Variants in HK1 observed in about 807,000 individuals in gnomAD.
The protein encoded by HK1 is hexokinase 1.
Under a neutral mutation model 91.6 loss-of-function variants are expected in HK1, and 28 were observed. The ratio of observed to expected loss-of-function variants is 0.31; its 90% CI spans 0.23 to 0.42. The LOEUF is 0.42. HK1 is among the 10% of genes least tolerant of loss of function. HK1 has a pLI of 1.00. For missense variants in HK1, 770 were observed against 1,219.8 expected, an observed-to-expected ratio of 0.63 and a Z score of 5.49; for synonymous variants, 430 against 468.1, an observed-to-expected ratio of 0.92 and a Z score of 1.05.
chr10:69,271,150 A>C (rs1181605259), intron 1 of HK1: 5 of 152,178 alleles, frequency 3.3e-5, no homozygotes. Context: ...TCTGTAATAC[A>C]ACATGGTAAA....
At chr10:69,335,575 A>G (rs1003436966) in intron 1 of HK1, among the ~76,000 whole-genome samples, 1 of 152,202 alleles carries the variant, frequency 6.6e-6, no homozygotes, top group African/African-American at 2.4e-5. Context: ...TGTCCACCCC[A>G]GTCTCTGCAA....
chr10:69,386,530 T>TC (rs1259181531), intron 13 of HK1, 112 bp downstream of exon 13: 2 of 806,764 alleles, frequency 2.5e-6, no homozygotes, highest in Non-Finnish European at 4.0e-6. Flanking sequence ...ACGCCTGTAA[T>TC]CCCAGCACTT....
At chr10:69,367,266 C>G (rs765490057) in intron 4 of HK1, among the ~76,000 whole-genome samples, 7 of 152,194 alleles carry the variant, frequency 4.6e-5, no homozygotes, top group African/African-American at 7.2e-5. Flanking sequence ...CAGTGGAGCA[C>G]AGACCCTCAA....
chr10:69,337,404 A>G (rs1322719227), intron 1 of HK1, among the ~76,000 whole-genome samples: 1 of 152,168 alleles, frequency 6.6e-6, no homozygotes. Flanking sequence ...GAGAAAGGGA[A>G]CTAGCATTAA....
chr10:69,387,777 T>G (rs906386549), intron 13 of HK1, among the ~76,000 whole-genome samples: 1 of 152,140 alleles, frequency 6.6e-6, no homozygotes, highest in Admixed American at 6.6e-5. Flanking sequence ...TCTCGTGGTC[T>G]TTGGCTGGAG....
At chr10:69,290,269 G>A (rs1845238230) in intron 3 of HK1, among the ~76,000 whole-genome samples, 1 of 152,124 alleles carries the variant, frequency 6.6e-6, no homozygotes, top group South Asian at 2.1e-4. Context: ...TCAGCCCTTG[G>A]GTGGCAAATT....
At chr10:69,311,874 A>T (rs1846393427), upstream of HK1, among the ~76,000 whole-genome samples, 1 of 152,126 alleles carries the variant, frequency 6.6e-6, no homozygotes, top group African/African-American at 2.4e-5. Flanking sequence ...TGACCTCGTG[A>T]TCCGCCTGCC....
Position 69,382,678 on chromosome 10 carries a change from A to C in HK1, c.1457A>C (p.Glu486Ala). 1.9e-6 allele frequency: 3 copies of C among 1,613,862 alleles called. No individual in the cohort carries two copies. The highest frequency in any genetic ancestry group is 2.5e-6 in the Non-Finnish European group (3 of 1,179,948). ...CACCTCACCAAGGACATGCTGCTGG[A>C]GGTGAAGAAGAGGATGCGGGCCGAG... ...HFHLTKDMLL[E>A]VKKRMRAEME... Residue 486 changes from glutamate to alanine, a missense_variant, in exon 10 of 18, where the codon GAG (glutamate) becomes GCG (alanine). Transcript: ENST00000359426.
At chr10:69,321,136 C>T (rs907929789) in intron 1 of HK1, among the ~76,000 whole-genome samples, 1 of 152,200 alleles carries the variant, frequency 6.6e-6, no homozygotes, top group Non-Finnish European at 1.5e-5. Context: ...ATGCTGCTTT[C>T]TATAGGGGAG....
At chr10:69,272,470 T>G (rs1427083376) in intron 1 of HK1, among the ~76,000 whole-genome samples, 1 of 152,182 alleles carries the variant, frequency 6.6e-6, no homozygotes, top group Non-Finnish European at 1.5e-5. Flanking sequence ...TGGTAGTAAA[T>G]TCACGCAACT....
chr10:69,292,732 C>T lies in HK1; in HGVS notation c.-114-2901C>T, dbSNP rs138183436. 5.1e-3 allele frequency among the ~76,000 whole-genome samples: 775 copies of T among 152,264 alleles called. 10 individuals carry two copies. The highest frequency in any genetic ancestry group is 0.018 in the African/African-American group (735 of 41,556). ...AGTATTCGTATTCGTATTTTTCCCC[C>T]AGTTTTCCCCCAACCTCCAGTGCTG... On this transcript the variant is annotated intron_variant, in intron 3 of 21. Coordinates refer to the HK1 transcript ENST00000360289.
intron 3 of HK1, among the ~76,000 whole-genome samples, chr10:69,295,045 C>T (rs572751783): frequency 0.011 from 1,482 of 134,876 alleles, 17 homozygotes; most frequent in African/African-American, 0.036. Context: ...GAAAGAGAGA[C>T]CCTGTCTCAA....
intron 3 of HK1, among the ~76,000 whole-genome samples, chr10:69,294,068 A>G (rs991812574): frequency 2.0e-5 from 3 of 151,804 alleles, no homozygotes; most frequent in Non-Finnish European, 4.4e-5. Flanking sequence ...TCACCGTGTT[A>G]GCCAGGATGG....
At chr10:69,386,272 C>T in intron 12 of HK1, 51 bp from the exon 13 acceptor site, 1 of 1,460,624 alleles carries the variant, frequency 6.8e-7, no homozygotes, top group South Asian at 1.1e-5. Flanking sequence ...TTTGTGTTCT[C>T]CCCTTCCAGG....
At chr10:69,384,215 G>T in intron 10 of HK1, 118 bp from the exon 11 acceptor site, 1 of 1,231,876 alleles carries the variant, frequency 8.1e-7, no homozygotes, top group Non-Finnish European at 1.2e-6. Flanking sequence ...AGGAGTTGCA[G>T]CTTCTCCTCT....
chr10:69,284,507 A>C (rs12244771), intron 2 of HK1, among the ~76,000 whole-genome samples: 13,557 of 152,226 alleles, frequency 0.089, 1,066 homozygotes, highest in African/African-American at 0.21. Flanking sequence ...CATCACTGGA[A>C]AGGAAGAAGG....
intron 5 of HK1, among the ~76,000 whole-genome samples, chr10:69,305,950 G>C (rs904522560): frequency 2.0e-5 from 3 of 152,062 alleles, no homozygotes; most frequent in African/African-American, 7.2e-5. Context: ...AATCAATTTA[G>C]AGTTAATTTT....
chr10:69,331,016 A>G (rs1184088326), intron 1 of HK1, among the ~76,000 whole-genome samples: 1 of 151,564 alleles, frequency 6.6e-6, no homozygotes, highest in Non-Finnish European at 1.5e-5. Context: ...AGTAGCTGGG[A>G]TTACAGGCAT....
intron 8 of HK1, among the ~76,000 whole-genome samples, chr10:69,377,705 A>G (rs117447752): frequency 0.013 from 1,996 of 152,376 alleles, 24 homozygotes; most frequent in Non-Finnish European, 0.02. Context: ...ACAGATTTAT[A>G]GTATCATCAA....
Sources: allele counts gnomAD v4.1 joint callset (sites outside exome capture counted in the v4.1 genomes callset), GRCh38; gene constraint gnomAD v4.1.1; transcripts MANE v1.5; gene names NCBI Gene and HGNC (gene_info 2026-07-23, HGNC 2026-07-21).